SPOCK3: variants seen among roughly 807,000 people sequenced by gnomAD.
SPOCK3 encodes the protein testican-3.
SPOCK3 carries 30 observed loss-of-function variants against 56.6 expected under a neutral mutation model. That is an observed-to-expected ratio of 0.53 (90% confidence interval 0.40 to 0.72). The LOEUF (loss-of-function observed/expected upper bound fraction) is 0.72, where lower values mean the gene tolerates loss of function less well. SPOCK3 is among the 30% of genes least tolerant of loss of function. SPOCK3 has a pLI of 0.00. For missense variants in SPOCK3, 527 were observed against 530.0 expected (o/e 0.99, Z 0.06); for synonymous variants, 196 against 183.3 (o/e 1.07, Z -0.56).
intron 2 of SPOCK3, among the ~76,000 whole-genome samples, chr4:167,089,225 A>G (rs1361212051): frequency 6.6e-6 from 1 of 152,154 alleles, no homozygotes; most frequent in Non-Finnish European, 1.5e-5. Flanking sequence ...TAAAAAAACA[A>G]CAACCGACCA....
At chr4:167,057,531 T>A in intron 3 of SPOCK3, among the ~76,000 whole-genome samples, 1 of 151,806 alleles carries the variant, frequency 6.6e-6, no homozygotes. Flanking sequence ...TGTGCTGTAT[T>A]CAGGAAACCC....
chr4:167,202,589 CTG>C (rs1733621518), intron 2 of SPOCK3, among the ~76,000 whole-genome samples: 1 of 151,948 alleles, frequency 6.6e-6, no homozygotes, highest in Non-Finnish European at 1.5e-5. Context: ...ATGAAATTAA[CTG>C]TTATAATTCT....
intron 3 of SPOCK3, among the ~76,000 whole-genome samples, chr4:167,033,171 C>T (rs1227740527): frequency 6.6e-6 from 1 of 151,674 alleles, no homozygotes; most frequent in African/African-American, 2.4e-5. Flanking sequence ...ATCACCAGTG[C>T]CGAGCATTAT....
At chr4:167,046,726 A>ATTACT (rs1478748021) in intron 3 of SPOCK3, among the ~76,000 whole-genome samples, 1 of 151,982 alleles carries the variant, frequency 6.6e-6, no homozygotes, top group African/African-American at 2.4e-5. Flanking sequence ...AAGTGCTAGG[A>ATTACT]TTACAGGCCT....
intron 6 of SPOCK3, among the ~76,000 whole-genome samples, chr4:166,794,479 A>G (rs998965784): frequency 4.6e-5 from 7 of 152,048 alleles, no homozygotes; most frequent in Admixed American, 2.6e-4. Context: ...AGAGAGTTTT[A>G]TTTTTACCAT....
At chr4:166,803,072 G>A (rs887454166) in intron 6 of SPOCK3, among the ~76,000 whole-genome samples, 2 of 152,068 alleles carry the variant, frequency 1.3e-5, no homozygotes, top group African/African-American at 4.8e-5. Context: ...GAGCACACAT[G>A]CACATATATC....
At chr4:166,860,444 C>A (rs547100206) in intron 6 of SPOCK3, among the ~76,000 whole-genome samples, 1 of 151,384 alleles carries the variant, frequency 6.6e-6, no homozygotes. Flanking sequence ...AAAAAGGAAG[C>A]GAGAAAGAGG....
rs565465368 is a variant in SPOCK3 at position 167,222,680 on chromosome 4, T to G, written c.189+11305A>C. The stretch of plus-strand genomic sequence containing the variant: ...AAATATATAAACATAGATATATATT[T>G]ATATATGAATATATAAACATATAAA... On this transcript the variant is annotated intron_variant, in intron 2 of 10. Coordinates refer to ENST00000357545, the MANE Select transcript of SPOCK3 (RefSeq NM_001040159.2). Among the ~76,000 whole-genome samples the G allele has an allele frequency of 2.7e-3, 339 of 127,900 alleles. 3 individuals carry two copies. Among genetic ancestry groups the G allele is most frequent in the Non-Finnish European group, 2.7e-3 (165 of 61,028 alleles). 83.9% of individuals were successfully genotyped at this position (127,900 alleles called of 152,430 possible).
intron 2 of SPOCK3, among the ~76,000 whole-genome samples, chr4:167,133,450 C>G (rs1179578201): frequency 1.3e-5 from 2 of 152,080 alleles, no homozygotes; most frequent in African/African-American, 4.8e-5. Context: ...TGTTTGAAGC[C>G]ACGACATTTG....
At chr4:167,059,284 A>T (rs568797872) in intron 3 of SPOCK3, among the ~76,000 whole-genome samples, 165 of 152,214 alleles carry the variant, frequency 1.1e-3, no homozygotes, top group Non-Finnish European at 1.1e-3. Context: ...GAATCTACAA[A>T]GACCTCAAAC....
At chr4:167,063,332 TATC>T (rs1755791850) in intron 2 of SPOCK3, among the ~76,000 whole-genome samples, 1 of 151,972 alleles carries the variant, frequency 6.6e-6, no homozygotes, top group African/African-American at 2.4e-5. Flanking sequence ...TCCTCATTAA[TATC>T]ATATTTTATT....
chr4:167,164,540 G>C, intron 2 of SPOCK3, among the ~76,000 whole-genome samples: 1 of 151,844 alleles, frequency 6.6e-6, no homozygotes, highest in Admixed American at 6.6e-5. Context: ...TGTCATCTAG[G>C]TTTTAAGCCC....
Position 166,852,464 on chromosome 4 carries a change from A to C in SPOCK3, c.589+36666T>G, listed in dbSNP as rs185005641. 9.3e-4 allele frequency among the ~76,000 whole-genome samples: 142 copies of C among 152,226 alleles called. 1 individual carries two copies. The highest frequency in any genetic ancestry group is 3.2e-3 in the African/African-American group (134 of 41,542). On this transcript the variant is annotated intron_variant, in intron 6 of 10. Transcript: ENST00000357545. ...AACCACCATTAGGCTTTCTTCACTAAGAGTTAAACAGAAACGAACCCTTTG... is the reference window on the plus strand; with the variant it reads ...AACCACCATTAGGCTTTCTTCACTACGAGTTAAACAGAAACGAACCCTTTG...
chr4:166,847,682 A>ATATATATATATAT lies in SPOCK3; in HGVS notation c.589+41447_589+41448insATATATATATATA, dbSNP rs1560926835. Among the ~76,000 whole-genome samples, 85 of 27,218 alleles carry ATATATATATATAT rather than the reference A, an allele frequency of 3.1e-3. 3 individuals carry two copies. Among genetic ancestry groups the ATATATATATATAT allele is most frequent in the Non-Finnish European group, 4.1e-3 (42 of 10,140 alleles). The allele number at this position is 27,218 out of a possible 152,430, so 17.9% of individuals were successfully genotyped here. A position where few individuals can be genotyped will look rare whatever the true frequency, so the allele number is the denominator to read the frequency against. ...ATATATATATATATATATATATATA[A>ATATATATATATAT]GAATCATGTTTACTTTTTTTTACAG... On this transcript the variant is annotated intron_variant, in intron 6 of 10. Transcript: ENST00000357545.
chr4:166,794,627 T>C (rs927958448), intron 6 of SPOCK3, among the ~76,000 whole-genome samples: 6 of 151,316 alleles, frequency 4.0e-5, no homozygotes, highest in Non-Finnish European at 7.4e-5. Flanking sequence ...TTTCTTTTTT[T>C]TTTCTTTCTT....
chr4:166,903,146 ATAATT>A (rs1360733820), intron 5 of SPOCK3, among the ~76,000 whole-genome samples: 1 of 147,512 alleles, frequency 6.8e-6, no homozygotes, highest in South Asian at 2.1e-4. Flanking sequence ...TAAATAATTT[ATAATT>A]TAATTTATTA....
intron 10 of SPOCK3, among the ~76,000 whole-genome samples, chr4:166,735,817 C>A (rs1386903577): frequency 8.5e-5 from 13 of 152,088 alleles, no homozygotes; most frequent in South Asian, 2.1e-4. Context: ...CTTAGTGAGA[C>A]CTGTGTTGAT....
chr4:166,916,171 G>A (rs1737831190), intron 4 of SPOCK3, among the ~76,000 whole-genome samples: 1 of 151,328 alleles, frequency 6.6e-6, no homozygotes, highest in African/African-American at 2.4e-5. Context: ...ATAAACTCAA[G>A]TTTTCTTTTT....
intron 2 of SPOCK3, among the ~76,000 whole-genome samples, chr4:167,221,395 C>G (rs1423949167): frequency 6.6e-6 from 1 of 151,622 alleles, no homozygotes; most frequent in African/African-American, 2.4e-5. Context: ...TAATATAATA[C>G]AACAAAAAAA....
Sources: allele counts gnomAD v4.1 joint callset (sites outside exome capture counted in the v4.1 genomes callset), GRCh38; gene constraint gnomAD v4.1.1; transcripts MANE v1.5; gene names NCBI Gene and HGNC (gene_info 2026-07-23, HGNC 2026-07-21).